ERBB4: variants seen among roughly 807,000 people sequenced by gnomAD.
ERBB4 encodes the protein erb-b2 receptor tyrosine kinase 4.
A neutral mutation model predicts 158.0 loss-of-function variants in ERBB4; 42 were observed. That is an observed-to-expected ratio of 0.27 (90% CI 0.21 to 0.34). The LOEUF (loss-of-function observed/expected upper bound fraction) is 0.34, where lower values mean the gene tolerates loss of function less well. ERBB4 is among the 10% of genes least tolerant of loss of function. ERBB4 has a pLI of 1.00. For missense variants in ERBB4, 1,333 were observed against 1,624.1 expected, an observed-to-expected ratio of 0.82 and a Z score of 3.08; for synonymous variants, 583 against 558.7, an observed-to-expected ratio of 1.04 and a Z score of -0.61.
At chr2:211,532,088 A>G (rs543488151) in intron 20 of ERBB4, among the ~76,000 whole-genome samples, 7 of 152,056 alleles carry the variant, frequency 4.6e-5, no homozygotes, top group Non-Finnish European at 8.8e-5. Context: ...GCTCAAAATT[A>G]AAACAATTGA....
At chr2:212,106,083 G>A (rs1211929006) in intron 2 of ERBB4, among the ~76,000 whole-genome samples, 1 of 152,098 alleles carries the variant, frequency 6.6e-6, no homozygotes, top group Non-Finnish European at 1.5e-5. Context: ...ACAGTAAACT[G>A]GTACCAGTAG....
chr2:211,979,589 C>G (rs1402875283), intron 2 of ERBB4, among the ~76,000 whole-genome samples: 1 of 151,932 alleles, frequency 6.6e-6, no homozygotes, highest in Non-Finnish European at 1.5e-5. Context: ...TTTCTTTCTC[C>G]TGGGCCACTT....
intron 14 of ERBB4, among the ~76,000 whole-genome samples, chr2:211,667,933 C>A (rs865878800): frequency 6.6e-6 from 1 of 151,880 alleles, no homozygotes; most frequent in African/African-American, 2.4e-5. Context: ...ACTTAATGAC[C>A]GGGATATATT....
chr2:211,515,896 T>TTTTATATATATA (rs1394844699), intron 20 of ERBB4, among the ~76,000 whole-genome samples: 10 of 88,958 alleles, frequency 1.1e-4, no homozygotes, highest in African/African-American at 5.2e-4. Context: ...AAAACATATA[T>TTTTATATATATA]TATATATATA....
intron 20 of ERBB4, among the ~76,000 whole-genome samples, chr2:211,480,806 CTCTTT>C (rs1442618972): frequency 6.6e-6 from 1 of 152,074 alleles, no homozygotes; most frequent in Non-Finnish European, 1.5e-5. Flanking sequence ...AAATTTATTC[CTCTTT>C]TGAGGGAAGT....
intron 16 of ERBB4, among the ~76,000 whole-genome samples, chr2:211,650,176 A>T (rs1428596276): frequency 6.6e-6 from 1 of 152,050 alleles, no homozygotes; most frequent in Non-Finnish European, 1.5e-5. Context: ...TGCCTAAATT[A>T]CATGGTGAAA....
chr2:212,288,916 T>C (rs2086103245), intron 1 of ERBB4, among the ~76,000 whole-genome samples: 1 of 152,058 alleles, frequency 6.6e-6, no homozygotes, highest in Admixed American at 6.6e-5. Flanking sequence ...GCAGATGTTA[T>C]ATATTAAAAG....
chr2:211,529,073 G>T (rs2371316), intron 20 of ERBB4, among the ~76,000 whole-genome samples: 50,314 of 149,744 alleles, frequency 0.34, 9,567 homozygotes, highest in East Asian at 0.62. Context: ...GGGTTTTTTT[G>T]AAACAATAAA....
intron 2 of ERBB4, among the ~76,000 whole-genome samples, chr2:212,005,754 A>G (rs890741629): frequency 1.3e-5 from 2 of 152,136 alleles, no homozygotes; most frequent in Admixed American, 1.3e-4. Context: ...TTATTGAGCC[A>G]ATTTTTATTT....
At chr2:211,754,486 C>T (rs1252176241) in intron 4 of ERBB4, among the ~76,000 whole-genome samples, 3 of 150,676 alleles carry the variant, frequency 2.0e-5, no homozygotes, top group Admixed American at 1.3e-4. Flanking sequence ...ACTGCAACCT[C>T]TGCCTCCCAG....
At position 212,442,879 on chromosome 2, in the gene ERBB4, C is replaced by T. The variant is rs374675127; in HGVS notation, c.82+95570G>A. Among the ~76,000 whole-genome samples, 40 of 152,286 alleles carry T rather than the reference C, an allele frequency of 2.6e-4. No homozygotes were observed. The South Asian group carries it at 6.8e-3, about 26-fold the overall frequency. On this transcript the variant is annotated intron_variant, in intron 1 of 27. Transcript: ENST00000342788. Reference sequence around the variant, plus strand: ...CGCCACCATCAAGGACTTGAAGTTGCAGGGGTAGTGATTCCCACCACATCC... The same window carrying T: ...CGCCACCATCAAGGACTTGAAGTTGTAGGGGTAGTGATTCCCACCACATCC...
At chr2:212,034,784 GACT>G (rs1170474138) in intron 2 of ERBB4, among the ~76,000 whole-genome samples, 8 of 152,022 alleles carry the variant, frequency 5.3e-5, no homozygotes, top group African/African-American at 1.9e-4. Flanking sequence ...AAACGTAAAT[GACT>G]TGGAAAAGAT....
intron 20 of ERBB4, among the ~76,000 whole-genome samples, chr2:211,509,162 G>GAA: frequency 6.6e-6 from 1 of 151,192 alleles, no homozygotes; most frequent in African/African-American, 2.4e-5. Context: ...GGAGGGGGGA[G>GAA]TATCACGCAC....
chr2:212,423,077 TGTAAA>T (rs1225562180), intron 1 of ERBB4, among the ~76,000 whole-genome samples: 7 of 151,944 alleles, frequency 4.6e-5, no homozygotes, highest in East Asian at 3.9e-4. Flanking sequence ...CGATGAAAAA[TGTAAA>T]GTAATCTGTG....
chr2:211,397,659 C>T (rs565258447), intron 25 of ERBB4, among the ~76,000 whole-genome samples: 1 of 152,240 alleles, frequency 6.6e-6, no homozygotes, highest in East Asian at 1.9e-4. Flanking sequence ...AGTGTTTCCC[C>T]ACTAAGGTTG....
At chr2:211,718,558 AAC>A (rs1330782418) in intron 7 of ERBB4, among the ~76,000 whole-genome samples, 17 of 152,198 alleles carry the variant, frequency 1.1e-4, no homozygotes, top group African/African-American at 4.1e-4. Context: ...TTTGGTGTGA[AAC>A]ACAGTTTGTG....
chr2:211,397,688 C>T (rs1193733257), intron 25 of ERBB4, among the ~76,000 whole-genome samples: 1 of 152,102 alleles, frequency 6.6e-6, no homozygotes, highest in Non-Finnish European at 1.5e-5. Flanking sequence ...GTTTCAGGCC[C>T]GTGATTCTTT....
chr2:211,925,873 T>C (rs751174786), intron 3 of ERBB4, among the ~76,000 whole-genome samples: 11 of 152,140 alleles, frequency 7.2e-5, no homozygotes, highest in Non-Finnish European at 1.5e-4. Flanking sequence ...GTGCAATTTA[T>C]TTTAATTGGA....
At chr2:211,879,671 G>A (rs1688575376) in intron 3 of ERBB4, among the ~76,000 whole-genome samples, 2 of 152,118 alleles carry the variant, frequency 1.3e-5, no homozygotes. Flanking sequence ...AAATAAAAGG[G>A]AAAATGTAGC....
Sources: allele counts gnomAD v4.1 joint callset (sites outside exome capture counted in the v4.1 genomes callset), GRCh38; gene constraint gnomAD v4.1.1; transcripts MANE v1.5; gene names NCBI Gene and HGNC (gene_info 2026-07-23, HGNC 2026-07-21).